Variants in KCNQ3 observed in about 807,000 individuals in gnomAD.
KCNQ3 encodes potassium voltage-gated channel subfamily Q member 3.
Under a neutral mutation model 92.5 loss-of-function variants are expected in KCNQ3, and 30 were observed. The ratio of observed to expected loss-of-function variants is 0.32; its 90% CI spans 0.24 to 0.44. The LOEUF is 0.44. Among genes scored for constraint, KCNQ3 ranks in the 20% least tolerant of loss-of-function variants. KCNQ3 has a pLI of 1.00. For synonymous variants in KCNQ3, 450 were observed against 468.8 expected (o/e 0.96, Z 0.52); for missense variants, 913 against 1,140.3 (o/e 0.80, Z 2.87).
intron 1 of KCNQ3, among the ~76,000 whole-genome samples, chr8:132,335,470 A>C (rs1256448566): frequency 1.3e-5 from 2 of 152,164 alleles, no homozygotes; most frequent in Non-Finnish European, 2.9e-5. Context: ...AGTATTCACT[A>C]GGTGCTGGTG....
chr8:132,174,502 C>G lies in KCNQ3; in HGVS notation c.934-153G>C, dbSNP rs41272377. Reference sequence around the variant, plus strand: ...TAGGAGAAAAGACACCAAGTACCTACTAACTTATATGGATGCCTTGAGACT... The same window carrying G: ...TAGGAGAAAAGACACCAAGTACCTAGTAACTTATATGGATGCCTTGAGACT... On this transcript the variant is annotated intron_variant, in intron 5 of 14. Transcript: ENST00000388996. 0.08 allele frequency among the ~76,000 whole-genome samples: 12,195 copies of G among 152,236 alleles called. 618 individuals are homozygous for G. Among genetic ancestry groups the G allele is most frequent in the African/African-American group, 0.12 (4,870 of 41,522 alleles).
At chr8:132,350,592 C>G (rs908671370) in intron 1 of KCNQ3, among the ~76,000 whole-genome samples, 1 of 152,198 alleles carries the variant, frequency 6.6e-6, no homozygotes, top group African/African-American at 2.4e-5. Flanking sequence ...AAGCGGGGCT[C>G]TTTCCTGGGA....
chr8:132,401,731 C>A (rs148516365), intron 1 of KCNQ3, among the ~76,000 whole-genome samples: 1 of 152,200 alleles, frequency 6.6e-6, no homozygotes, highest in East Asian at 1.9e-4. Context: ...ATGAAAGAAT[C>A]TCCTTTGACA....
intron 1 of KCNQ3, among the ~76,000 whole-genome samples, chr8:132,390,848 G>A (rs915470017): frequency 1.3e-5 from 2 of 152,156 alleles, no homozygotes; most frequent in East Asian, 1.9e-4. Flanking sequence ...AATACATTTC[G>A]TTTCTTAAAT....
intron 1 of KCNQ3, among the ~76,000 whole-genome samples, chr8:132,432,161 C>A (rs1482365285): frequency 1.3e-5 from 2 of 152,178 alleles, no homozygotes; most frequent in Non-Finnish European, 2.9e-5. Flanking sequence ...CAGGGGACCA[C>A]TTCATACTTG....
chr8:132,241,738 G>A (rs1815003799), intron 1 of KCNQ3, among the ~76,000 whole-genome samples: 1 of 152,010 alleles, frequency 6.6e-6, no homozygotes, highest in Non-Finnish European at 1.5e-5. Flanking sequence ...GGAGGCTGAG[G>A]CAGGAAAATC....
At position 132,147,455 on chromosome 8, in the gene KCNQ3, T is replaced by C. The variant is rs190979089; in HGVS notation, c.1263-6124A>G. On this transcript the variant is annotated intron_variant, in intron 9 of 14. Transcript: ENST00000388996. ...TTTAGGAAGACTGAGAGGCATCGTG[T>C]CAAGTAAGAAGTTGGTGACTGTGTC... Among the ~76,000 whole-genome samples the C allele has an allele frequency of 4.2e-3, 640 of 152,350 alleles. 1 individual carries two copies. The highest frequency in any genetic ancestry group is 6.4e-3 in the Non-Finnish European group (435 of 68,032).
Position 132,129,283 on chromosome 8 carries a change from G to A in KCNQ3, c.2598C>T (p.Thr866=). 1 of 1,613,050 alleles carries A rather than the reference G, an allele frequency of 6.2e-7. No individual in the cohort carries two copies. The highest frequency in any genetic ancestry group is 8.5e-7 in the Non-Finnish European group (1 of 1,180,028). The part of the protein sequence containing the change: ...TGDGISDSVW[T]PSNKPI ...TCTTTTAAATGGGCTTATTGGAAGGGGTCCATACTGAATCAGAAATCCCAT... is the reference window on the plus strand; with the variant it reads ...TCTTTTAAATGGGCTTATTGGAAGGAGTCCATACTGAATCAGAAATCCCAT... Residue 866 remains threonine (T), a synonymous_variant, in exon 15 of 15, where the codon ACC becomes ACT. Coordinates refer to ENST00000388996, the MANE Select transcript of KCNQ3 (RefSeq NM_004519.4). This position sits in a 1 kb window ranked among gnomAD's most constrained non-coding sequence, Gnocchi z 5.9.
At chr8:132,272,765 A>T (rs1816191193) in intron 1 of KCNQ3, among the ~76,000 whole-genome samples, 1 of 152,164 alleles carries the variant, frequency 6.6e-6, no homozygotes, top group Non-Finnish European at 1.5e-5. Flanking sequence ...GGTCCCTCCC[A>T]TGACATGTGG....
chr8:132,126,706 G>T lies in KCNQ3; in HGVS notation c.*2556C>A, dbSNP rs1001199995. The T allele has an allele frequency of 7.2e-5, 11 of 151,894 alleles. No homozygotes were observed. Among genetic ancestry groups the T allele is most frequent in the African/African-American group, 2.4e-4 (10 of 41,328 alleles). 9.4% of individuals were successfully genotyped at this position (151,894 alleles called of 1,614,324 possible). A position where few individuals can be genotyped will look rare whatever the true frequency, so the allele number is the denominator to read the frequency against. ...TCTGCTGTCCTGGTCTTATGATCCA[G>T]CAGGGAAGCTAGACTGCCTGCCTAT... On this transcript the variant is annotated 3_prime_UTR_variant, in exon 15 of 15. Transcript: ENST00000388996.
At chr8:132,154,321 A>G (rs915748988) in intron 9 of KCNQ3, among the ~76,000 whole-genome samples, 8 of 145,248 alleles carry the variant, frequency 5.5e-5, no homozygotes, top group African/African-American at 2.0e-4. Flanking sequence ...TTTCATATTT[A>G]TACGTGTTTT....
At chr8:132,278,147 TGTACTCTGGAAATTTA>T in intron 1 of KCNQ3, 1 of 985,372 alleles carries the variant, frequency 1.0e-6, no homozygotes, top group East Asian at 1.1e-4. Flanking sequence ...ATCCCCATTT[TGTACTCTGGAAATTTA>T]CAACCCAGAG....
chr8:132,297,919 C>A (rs1006134582), intron 1 of KCNQ3, among the ~76,000 whole-genome samples: 1 of 152,210 alleles, frequency 6.6e-6, no homozygotes, highest in Non-Finnish European at 1.5e-5. Context: ...CTTCTACAAG[C>A]AACTCATTAT....
chr8:132,142,671 A>G lies in KCNQ3; in HGVS notation c.1263-1340T>C, dbSNP rs77770044. Among the ~76,000 whole-genome samples, 676 of 152,320 alleles carry G rather than the reference A, an allele frequency of 4.4e-3. 3 individuals are homozygous for G. The highest frequency in any genetic ancestry group is 0.015 in the African/African-American group (636 of 41,576). ...GCACACAGGAGGCATTCCCTCATGT[A>G]CTTGTGAAATAAATGAGAGAGTGAA... On this transcript the variant is annotated intron_variant, in intron 9 of 14. Coordinates refer to ENST00000388996, the MANE Select transcript of KCNQ3 (RefSeq NM_004519.4).
intron 1 of KCNQ3, among the ~76,000 whole-genome samples, chr8:132,474,799 G>A (rs1334255792): frequency 1.3e-5 from 2 of 152,070 alleles, no homozygotes; most frequent in African/African-American, 4.8e-5. Context: ...TCAAATGCGA[G>A]GTACAAAATT....
chr8:132,210,189 G>A (rs1813806462), intron 1 of KCNQ3, among the ~76,000 whole-genome samples: 1 of 152,156 alleles, frequency 6.6e-6, no homozygotes, highest in Admixed American at 6.6e-5. Context: ...TGCTGGTCTG[G>A]TTTTTAAACT....
At chr8:132,326,080 A>C (rs879749202) in intron 1 of KCNQ3, among the ~76,000 whole-genome samples, 3 of 152,122 alleles carry the variant, frequency 2.0e-5, no homozygotes, top group Admixed American at 6.5e-5. Context: ...TTGGATGTGC[A>C]TTACTTTGAA....
At chr8:132,339,769 T>C (rs966022935) in intron 1 of KCNQ3, among the ~76,000 whole-genome samples, 14 of 152,264 alleles carry the variant, frequency 9.2e-5, no homozygotes, top group Admixed American at 7.2e-4. Flanking sequence ...CACATTTTTC[T>C]GACAGTATTA....
In KCNQ3 at chr8:132,365,874, A is replaced by G. The variant is rs553157794; in HGVS notation, c.386+114273T>C. Among the ~76,000 whole-genome samples, 11 of 152,262 alleles carry G rather than the reference A, an allele frequency of 7.2e-5. No homozygotes were observed. The East Asian group carries it at 2.1e-3, about 29-fold the overall frequency. Reference sequence around the variant, plus strand: ...GCGAAACCCTGTCTCTACCAAAAATACAAAAATTAGCTGGGTGTGGTAGAG... The same window carrying G: ...GCGAAACCCTGTCTCTACCAAAAATGCAAAAATTAGCTGGGTGTGGTAGAG... On this transcript the variant is annotated intron_variant, in intron 1 of 14. Coordinates refer to ENST00000388996, the MANE Select transcript of KCNQ3 (RefSeq NM_004519.4).
Sources: allele counts gnomAD v4.1 joint callset (sites outside exome capture counted in the v4.1 genomes callset), GRCh38; gene constraint gnomAD v4.1.1; non-coding constraint Gnocchi (gnomAD v3.1); transcripts MANE v1.5; gene names NCBI Gene and HGNC (gene_info 2026-07-23, HGNC 2026-07-21).